The following GALNT13 variants were observed in gnomAD, a reference collection of about 807,000 sequenced individuals.
The protein encoded by GALNT13 is polypeptide N-acetylgalactosaminyltransferase 13.
A neutral mutation model predicts 64.2 loss-of-function variants in GALNT13; 28 were observed. The observed-to-expected ratio is 0.44, with a 90% confidence interval of 0.32 to 0.60. GALNT13 has a LOEUF of 0.60. GALNT13 is among the 20% of genes least tolerant of loss of function. The pLI is 0.05. For missense variants in GALNT13, 577 were observed against 669.8 expected (o/e 0.86, Z 1.53); for synonymous variants, 214 against 224.6 (o/e 0.95, Z 0.42).
chr2:153,569,649 A>G, the GALNT13 span, among the ~76,000 whole-genome samples: 5 of 152,170 alleles, frequency 3.3e-5, no homozygotes, highest in African/African-American at 4.8e-5. Context: ...AAAATAGGAC[A>G]TCCGTCCCTT....
chr2:154,160,997 G>A (rs1018244512), intron 4 of GALNT13, among the ~76,000 whole-genome samples: 2 of 152,172 alleles, frequency 1.3e-5, no homozygotes, highest in African/African-American at 4.8e-5. Context: ...CCAGGAAGGT[G>A]AATTTTTCTT....
chr2:154,247,649 A>G (rs1689851213), intron 7 of GALNT13, among the ~76,000 whole-genome samples: 1 of 152,096 alleles, frequency 6.6e-6, no homozygotes, highest in African/African-American at 2.4e-5. Context: ...ATTATTACTC[A>G]TCTTTCATTA....
chr2:154,382,325 T>C (rs557255131), intron 9 of GALNT13, among the ~76,000 whole-genome samples: 1 of 152,216 alleles, frequency 6.6e-6, no homozygotes, highest in East Asian at 1.9e-4. Flanking sequence ...AGCATCACAA[T>C]AGTACAGCTG....
chr2:153,674,679 C>T, the GALNT13 span, among the ~76,000 whole-genome samples: 1 of 152,094 alleles, frequency 6.6e-6, no homozygotes, highest in East Asian at 1.9e-4. Flanking sequence ...GCAATGGCAA[C>T]AAAAGCCAAA....
chr2:153,976,142 G>A (rs1390123178), intron 3 of GALNT13, among the ~76,000 whole-genome samples: 1 of 151,906 alleles, frequency 6.6e-6, no homozygotes, highest in Non-Finnish European at 1.5e-5. Flanking sequence ...GTGTTATTGT[G>A]TTTACAACCT....
intron 4 of GALNT13, among the ~76,000 whole-genome samples, chr2:154,149,372 G>C (rs1396289149): frequency 6.6e-6 from 1 of 152,128 alleles, no homozygotes; most frequent in African/African-American, 2.4e-5. Context: ...GATGCCTCCA[G>C]CTTTGTTCTT....
chr2:153,497,007 AAAAAAAG>A, the GALNT13 span, among the ~76,000 whole-genome samples: 101 of 150,716 alleles, frequency 6.7e-4, no homozygotes, highest in Admixed American at 3.2e-3. Context: ...AAAAAAAAAA[AAAAAAAG>A]AAAAAAGAAA....
chr2:153,564,598 T>TC, the GALNT13 span, among the ~76,000 whole-genome samples: 3 of 151,972 alleles, frequency 2.0e-5, no homozygotes, highest in Non-Finnish European at 4.4e-5. Flanking sequence ...GGATTAGTTT[T>TC]TTTTTTTTTT....
intron 3 of GALNT13, among the ~76,000 whole-genome samples, chr2:154,095,800 A>C (rs1295026358): frequency 2.6e-5 from 4 of 151,934 alleles, no homozygotes; most frequent in African/African-American, 9.7e-5. Flanking sequence ...TCTTGAATAC[A>C]CTGGTTTTGA....
At chr2:153,953,953 A>G (rs1208484272) in intron 3 of GALNT13, among the ~76,000 whole-genome samples, 1 of 152,054 alleles carries the variant, frequency 6.6e-6, no homozygotes, top group Non-Finnish European at 1.5e-5. Flanking sequence ...CTTCTCATAA[A>G]TCCAGGGAGA....
At chr2:153,782,900 C>T in the GALNT13 span, among the ~76,000 whole-genome samples, 1 of 152,142 alleles carries the variant, frequency 6.6e-6, no homozygotes, top group African/African-American at 2.4e-5. Flanking sequence ...CTCACTCACT[C>T]ACATGGTTAG....
chr2:154,162,462 A>G (rs1463419834), intron 4 of GALNT13, among the ~76,000 whole-genome samples: 1 of 152,210 alleles, frequency 6.6e-6, no homozygotes, highest in Non-Finnish European at 1.5e-5. Context: ...CAGGATGCTG[A>G]AAGACATGAG....
At chr2:153,114,459 T>C in the GALNT13 span, among the ~76,000 whole-genome samples, 1 of 152,190 alleles carries the variant, frequency 6.6e-6, no homozygotes, top group Non-Finnish European at 1.5e-5. Context: ...GTAGAAACTA[T>C]TGACTAAAAT....
At chr2:154,069,726 T>G (rs1408331862) in intron 3 of GALNT13, among the ~76,000 whole-genome samples, 2 of 151,850 alleles carry the variant, frequency 1.3e-5, no homozygotes, top group African/African-American at 2.4e-5. Flanking sequence ...CATCAAGAGG[T>G]GGGATAAACT....
At chr2:153,552,462 G>A in the GALNT13 span, among the ~76,000 whole-genome samples, 1 of 151,968 alleles carries the variant, frequency 6.6e-6, no homozygotes, top group Admixed American at 6.6e-5. Flanking sequence ...GAGTAGCCCT[G>A]CTAATTCCAC....
intron 1 of GALNT13, among the ~76,000 whole-genome samples, chr2:153,891,361 C>CT (rs1307413667): frequency 5.9e-5 from 9 of 151,562 alleles, no homozygotes; most frequent in Admixed American, 2.0e-4. Flanking sequence ...TTCCATGTGA[C>CT]TTTTTTTTTC....
chr2:153,307,979 GA>G, the GALNT13 span, among the ~76,000 whole-genome samples: 19 of 151,970 alleles, frequency 1.3e-4, no homozygotes, highest in Non-Finnish European at 4.4e-5. Context: ...ATATGAACAA[GA>G]AAAAACACTA....
intron 9 of GALNT13, among the ~76,000 whole-genome samples, chr2:154,349,089 A>C (rs1037775291): frequency 4.6e-5 from 7 of 152,222 alleles, no homozygotes; most frequent in Non-Finnish European, 8.8e-5. Context: ...TATTAATCAA[A>C]TGCAATTTTA....
At chr2:154,281,780 A>G (rs1691975881) in intron 8 of GALNT13, among the ~76,000 whole-genome samples, 1 of 151,954 alleles carries the variant, frequency 6.6e-6, no homozygotes, top group Non-Finnish European at 1.5e-5. Context: ...ACACCTTTGC[A>G]TTCTTTCACT....
Sources: gnomAD v4.1 joint callset for allele counts (sites outside exome capture counted in the v4.1 genomes callset) on GRCh38, gnomAD v4.1.1 for gene constraint, MANE v1.5 for transcripts, NCBI Gene and HGNC (gene_info 2026-07-23, HGNC 2026-07-21) for gene names.